Variants in SMIM35 observed in about 807,000 individuals in gnomAD.
SMIM35 encodes the protein TMPRSS4 antisense RNA 1 (non-protein coding).
chr11:118,043,913 G>T (rs1342370310), intron 1 of SMIM35, among the ~76,000 whole-genome samples: 1 of 151,368 alleles, frequency 6.6e-6, no homozygotes, highest in African/African-American at 2.4e-5. Context: ...TTTTTTAGGC[G>T]ATGAAAATGT....
At chr11:118,054,156 A>ATTTTTTTTTTTTTTTTTTTTTTTTTTT (rs1345936190) in intron 1 of SMIM35, among the ~76,000 whole-genome samples, 1 of 108,232 alleles carries the variant, frequency 9.2e-6, no homozygotes. Flanking sequence ...GGTTTTTGGG[A>ATTTTTTTTTTTTTTTTTTTTTTTTTTT]TTTTTTTGTT....
intron 1 of SMIM35, among the ~76,000 whole-genome samples, chr11:118,021,966 T>C (rs1396482360): frequency 6.6e-6 from 1 of 152,064 alleles, no homozygotes; most frequent in Admixed American, 6.6e-5. Flanking sequence ...GGAATACACA[T>C]TGTTCTCAAG....
chr11:118,030,387 G>C (rs1039488955), intron 1 of SMIM35, among the ~76,000 whole-genome samples: 1 of 152,106 alleles, frequency 6.6e-6, no homozygotes, highest in African/African-American at 2.4e-5. Flanking sequence ...GTAATGCTGG[G>C]AGACAATAGA....
At chr11:118,033,520 T>TTTG (rs1168034970) in intron 1 of SMIM35, among the ~76,000 whole-genome samples, 4 of 152,082 alleles carry the variant, frequency 2.6e-5, no homozygotes, top group South Asian at 2.1e-4. Flanking sequence ...TTTTTTCTGT[T>TTTG]TTGTTGTTGT....
In SMIM35 at chr11:118,015,772, G is replaced by A. The variant is rs75839825; in HGVS notation, c.45C>T (p.Gly15=). 45 of 399,486 alleles carry A rather than the reference G, an allele frequency of 1.1e-4. No individual in the cohort carries two copies. Among genetic ancestry groups the A allele is most frequent in the Non-Finnish European group, 1.8e-4 (40 of 226,448 alleles). 24.7% of individuals were successfully genotyped at this position (399,486 alleles called of 1,614,324 possible). A position where few individuals can be genotyped will look rare whatever the true frequency, so the allele number is the denominator to read the frequency against. Reference sequence around the variant, plus strand: ...ACACGAGCAGCAGCAAGAGCCCCACGCCAAGGATCAGGCCCAAGGTGCTGA... The same window carrying A: ...ACACGAGCAGCAGCAAGAGCCCCACACCAAGGATCAGGCCCAAGGTGCTGA... ...DSISTLGLIL[G]VGLLLLLVSI... is the part of the protein sequence containing the mutation. Residue 15 remains glycine (G), a synonymous_variant, in exon 2 of 5, where the codon GGC becomes GGT. Transcript: ENST00000689828.
chr11:118,012,364 A>G (rs2058154953), intron 4 of SMIM35, among the ~76,000 whole-genome samples: 2 of 152,192 alleles, frequency 1.3e-5, no homozygotes, highest in Non-Finnish European at 2.9e-5. Flanking sequence ...ATGACTCACG[A>G]GGGGAACTGC....
chr11:118,058,574 C>A (rs964394276), intron 1 of SMIM35, among the ~76,000 whole-genome samples: 2 of 152,106 alleles, frequency 1.3e-5, no homozygotes, highest in African/African-American at 4.8e-5. Flanking sequence ...GAAGCGAAAC[C>A]AGAAATCCAG....
chr11:118,019,180 G>A (rs11216687), intron 1 of SMIM35, among the ~76,000 whole-genome samples: 14,610 of 152,138 alleles, frequency 0.096, 978 homozygotes, highest in East Asian at 0.37. Context: ...TGAAAATTAT[G>A]TTAGGACCAC....
intron 1 of SMIM35, among the ~76,000 whole-genome samples, chr11:118,076,339 C>T (rs912114158): frequency 3.3e-5 from 5 of 151,392 alleles, no homozygotes; most frequent in African/African-American, 4.9e-5. Flanking sequence ...CCCAGCTACT[C>T]GAGAGGCTGG....
At chr11:118,041,823 G>A (rs111234707) in intron 1 of SMIM35, among the ~76,000 whole-genome samples, 1,651 of 152,082 alleles carry the variant, frequency 0.011, 14 homozygotes, top group Non-Finnish European at 0.017. Context: ...GGCCGAAGTC[G>A]GTGGATCACT....
chr11:118,010,329 C>T (rs765363414), intron 4 of SMIM35, among the ~76,000 whole-genome samples: 1 of 152,170 alleles, frequency 6.6e-6, no homozygotes, highest in Non-Finnish European at 1.5e-5. Context: ...TGGCATGGGA[C>T]GAGATCATTA....
At chr11:118,078,686 A>T (rs1293276596) in intron 1 of SMIM35, among the ~76,000 whole-genome samples, 4 of 151,938 alleles carry the variant, frequency 2.6e-5, no homozygotes, top group Non-Finnish European at 5.9e-5. Context: ...CACTGAGGAG[A>T]CCTGGGGTGT....
chr11:118,029,286 G>T (rs528178970), intron 1 of SMIM35, among the ~76,000 whole-genome samples: 6 of 152,108 alleles, frequency 3.9e-5, no homozygotes, highest in Non-Finnish European at 7.4e-5. Context: ...ACGAAACGCC[G>T]TCTCTACAAA....
chr11:118,007,620 T>C (rs1565377935), intron 4 of SMIM35, among the ~76,000 whole-genome samples: 1 of 152,156 alleles, frequency 6.6e-6, no homozygotes, highest in South Asian at 2.1e-4. Flanking sequence ...GGTCTCAAAC[T>C]CTTGACCTTG....
At chr11:118,031,135 G>C (rs2058316338) in intron 1 of SMIM35, among the ~76,000 whole-genome samples, 2 of 152,196 alleles carry the variant, frequency 1.3e-5, no homozygotes, top group African/African-American at 4.8e-5. Flanking sequence ...GAGACACCTA[G>C]AATAAATTTC....
chr11:118,042,436 A>G (rs867105760), intron 1 of SMIM35, among the ~76,000 whole-genome samples: 1 of 152,204 alleles, frequency 6.6e-6, no homozygotes, highest in Admixed American at 6.5e-5. Flanking sequence ...CTGAATAAGT[A>G]TAACAAATAA....
At chr11:118,061,474 C>T (rs533635644) in intron 1 of SMIM35, among the ~76,000 whole-genome samples, 2 of 152,088 alleles carry the variant, frequency 1.3e-5, no homozygotes, top group East Asian at 1.9e-4. Context: ...GTGGCAGGTC[C>T]CCAGCTGGAG....
intron 1 of SMIM35, among the ~76,000 whole-genome samples, chr11:118,053,519 A>G (rs1010200111): frequency 9.2e-5 from 14 of 152,122 alleles, no homozygotes; most frequent in African/African-American, 2.7e-4. Context: ...CCTTCCTTGG[A>G]TTCCTTATTC....
chr11:118,085,743 C>T (rs973432045), intron 1 of SMIM35, among the ~76,000 whole-genome samples: 4 of 152,158 alleles, frequency 2.6e-5, no homozygotes, highest in Non-Finnish European at 5.9e-5. Flanking sequence ...AACTGTGTGG[C>T]GGGACCCCTT....
Sources: gnomAD v4.1 joint callset for allele counts (sites outside exome capture counted in the v4.1 genomes callset) on GRCh38, gnomAD v4.1.1 for gene constraint, MANE v1.5 for transcripts, NCBI Gene and HGNC (gene_info 2026-07-23, HGNC 2026-07-21) for gene names.